CNOT6: variants seen among roughly 807,000 people sequenced by gnomAD.
CNOT6 encodes CCR4-NOT transcription complex subunit 6, also known as carbon catabolite repression 4 protein.
In CNOT6, 12 loss-of-function variants were observed where a neutral mutation model predicts 61.2. The observed-to-expected ratio is 0.20, with a 90% CI of 0.13 to 0.32. The LOEUF (loss-of-function observed/expected upper bound fraction) is 0.32. Ranked by LOEUF, CNOT6 falls within the 10% of genes least tolerant of loss-of-function variation. The pLI, the probability that CNOT6 is intolerant of heterozygous loss-of-function variation, is 1.00. For synonymous variants in CNOT6, 225 were observed against 240.6 expected, an observed-to-expected ratio of 0.94 and a Z score of 0.60; for missense variants, 405 against 663.9, an observed-to-expected ratio of 0.61 and a Z score of 4.28.
rs551145544 is a variant in CNOT6, at chr5:180,508,326, G to C, written c.-3+13563G>C. 3.3e-5 allele frequency among the ~76,000 whole-genome samples: 5 copies of C among 152,266 alleles called. No individual in the cohort carries two copies. The South Asian group carries it at 1.0e-3, about 32-fold the overall frequency. The stretch of plus-strand genomic sequence containing the variant: ...ACCAAGATGATAATTTGTTTTTTTA[G>C]TATGAGACGGAGTCTCGCTCTCTCA... On this transcript the variant is annotated intron_variant, in intron 1 of 11. Transcript: ENST00000261951.
Position 180,568,016 on chromosome 5 carries a change from C to T in CNOT6, c.1027+13C>T. On this transcript the variant is annotated intron_variant, in intron 9 of 11. Coordinates refer to ENST00000261951, the MANE Select transcript of CNOT6 (RefSeq NM_001370472.1). ...ATTGAAATGCCGTGTGAGTGCCCTT[C>T]ACTTCCTGTAAAATTGACCAGCTCT... The T allele has an allele frequency of 1.3e-6, 2 of 1,591,482 alleles. No homozygotes were observed. Among genetic ancestry groups the T allele is most frequent in the Non-Finnish European group, 1.7e-6 (2 of 1,166,448 alleles).
In CNOT6 at chr5:180,538,152, C is replaced by T. The variant is rs576774964; in HGVS notation, c.112+8764C>T. On this transcript the variant is annotated intron_variant, in intron 2 of 11. Transcript: ENST00000261951. Reference sequence around the variant, plus strand: ...CTCCCAGGTTCAAGCCATTGTCCTGCCTCAGCCTCCCAAGTAGCTGGGACT... The same window carrying T: ...CTCCCAGGTTCAAGCCATTGTCCTGTCTCAGCCTCCCAAGTAGCTGGGACT... Among the ~76,000 whole-genome samples, 4 of 151,180 alleles carry T rather than the reference C, an allele frequency of 2.6e-5. No individual in the cohort carries two copies. In the South Asian group the frequency reaches 8.4e-4, roughly 32 times the overall value.
chr5:180,545,736 G>A (rs1030679638), intron 2 of CNOT6, among the ~76,000 whole-genome samples: 1 of 152,082 alleles, frequency 6.6e-6, no homozygotes, highest in Admixed American at 6.5e-5. Context: ...TTGATCATAT[G>A]GTAAGTGTAT....
intron 2 of CNOT6, among the ~76,000 whole-genome samples, chr5:180,536,483 A>G (rs1758706933): frequency 1.3e-5 from 2 of 151,994 alleles, no homozygotes; most frequent in South Asian, 4.2e-4. Context: ...TTGAGATAAG[A>G]TATCATTGTT....
intron 1 of CNOT6, among the ~76,000 whole-genome samples, chr5:180,502,454 A>G (rs1321124333): frequency 6.6e-6 from 1 of 152,226 alleles, no homozygotes; most frequent in Non-Finnish European, 1.5e-5. Flanking sequence ...TACTAGAAGG[A>G]TAAGATTTGC....
rs149721852 is a variant in CNOT6 at position 180,566,024 on chromosome 5, G to A, written c.717+47G>A. 4,022 of 1,535,178 alleles carry A rather than the reference G, an allele frequency of 2.6e-3. 26 individuals are homozygous for A. Among genetic ancestry groups the A allele is most frequent in the South Asian group, 0.012 (1,005 of 83,326 alleles). On this transcript the variant is annotated intron_variant, in intron 7 of 11. Transcript: ENST00000261951. Reference sequence around the variant, plus strand: ...CAACCTAGCATTGATAAAGGAAGGAGCAACTAGGAATACATTACGCTGACA... The same window carrying A: ...CAACCTAGCATTGATAAAGGAAGGAACAACTAGGAATACATTACGCTGACA...
At chr5:180,495,136 T>G (rs547351931) in intron 1 of CNOT6, among the ~76,000 whole-genome samples, 1 of 152,322 alleles carries the variant, frequency 6.6e-6, no homozygotes, top group South Asian at 2.1e-4. Flanking sequence ...GAGAAGCGCC[T>G]CTGTGGGTGG....
chr5:180,573,873 A>C (rs1043328240), intron 11 of CNOT6, 115 bp from the exon 12 acceptor site: 8 of 714,650 alleles, frequency 1.1e-5, no homozygotes, highest in Non-Finnish European at 2.0e-5. Context: ...CAAGCTAGTA[A>C]GTTTCACTTG....
chr5:180,533,808 AT>A (rs1758528071), intron 2 of CNOT6, among the ~76,000 whole-genome samples: 1 of 152,090 alleles, frequency 6.6e-6, no homozygotes, highest in Non-Finnish European at 1.5e-5. Flanking sequence ...TCTGTTTATT[AT>A]TTATTTATCC....
At chr5:180,524,218 A>G (rs968901456) in intron 1 of CNOT6, among the ~76,000 whole-genome samples, 1 of 152,180 alleles carries the variant, frequency 6.6e-6, no homozygotes, top group African/African-American at 2.4e-5. Context: ...GTTTTTTGGA[A>G]TACTTTTATT....
chr5:180,542,874 A>G (rs926181028), intron 2 of CNOT6, among the ~76,000 whole-genome samples: 3 of 152,204 alleles, frequency 2.0e-5, no homozygotes, highest in Non-Finnish European at 2.9e-5. Flanking sequence ...GTGGGGAAGA[A>G]GTAGATAGAT....
rs761258912 is a variant in CNOT6 at position 180,529,266 on chromosome 5, T to A, written c.-2-9T>A. On this transcript the variant is annotated splice_polypyrimidine_tract_variant and intron_variant, in intron 1 of 11. Transcript: ENST00000261951. ...TTTTAGAATACTGATTGGTTTCTTT[T>A]CTTAACAGGCATGCCCAAAGAAAAA... The A allele has an allele frequency of 4.0e-6, 6 of 1,509,538 alleles. No homozygotes were observed. In the South Asian group the frequency reaches 6.8e-5, roughly 17 times the overall value. The allele number at this position is 1,509,538 out of a possible 1,614,324, so 93.5% of individuals were successfully genotyped here.
At chr5:180,511,310 T>G (rs2127702421) in intron 1 of CNOT6, among the ~76,000 whole-genome samples, 1 of 151,526 alleles carries the variant, frequency 6.6e-6, no homozygotes, top group South Asian at 2.1e-4. Flanking sequence ...AAACCTTGTC[T>G]CTACAAAATA....
rs1760981044 is a variant in CNOT6 at position 180,575,891 on chromosome 5, T to TG, written c.*1692dup. The TG allele has an allele frequency of 6.9e-6, 1 of 145,080 alleles. No homozygotes were observed. The highest frequency in any genetic ancestry group is 1.6e-5 in the Non-Finnish European group (1 of 64,394). 9.0% of individuals were successfully genotyped at this position (145,080 alleles called of 1,614,324 possible). ...TGAGTCATTTTGGAAATGATTCTTA[T>TG]GTTTTTTTTTTTTCTCCTTTTAGAA... is the stretch of plus-strand genomic sequence containing the variant. On this transcript the variant is annotated 3_prime_UTR_variant, in exon 12 of 12. Coordinates refer to ENST00000261951, the MANE Select transcript of CNOT6 (RefSeq NM_001370472.1).
chr5:180,568,049 C>G, intron 9 of CNOT6, 46 bp downstream of exon 9: 1 of 1,524,372 alleles, frequency 6.6e-7, no homozygotes, highest in Non-Finnish European at 8.8e-7. Flanking sequence ...TCTGACTAGA[C>G]ATCTTCAAAA....
intron 1 of CNOT6, among the ~76,000 whole-genome samples, chr5:180,522,156 C>T (rs148942596): frequency 2.9e-4 from 44 of 152,280 alleles, no homozygotes; most frequent in African/African-American, 1.0e-3. Flanking sequence ...CAGAGTTTCA[C>T]TCTTATCACC....
intron 1 of CNOT6, among the ~76,000 whole-genome samples, chr5:180,506,041 G>A (rs1056829816): frequency 6.6e-6 from 1 of 152,210 alleles, no homozygotes; most frequent in African/African-American, 2.4e-5. Context: ...ATAATGAACA[G>A]AAGATCTTGG....
intron 1 of CNOT6, among the ~76,000 whole-genome samples, chr5:180,502,919 C>G (rs7723088): frequency 0.044 from 6,746 of 152,272 alleles, 337 homozygotes; most frequent in African/African-American, 0.12. Flanking sequence ...ATGAAGCTAA[C>G]TGCCATGTTT....
At chr5:180,553,518 T>C (rs1302345583) in intron 4 of CNOT6, 47 bp downstream of exon 4, 1 of 1,428,754 alleles carries the variant, frequency 7.0e-7, no homozygotes, top group Non-Finnish European at 9.8e-7. Context: ...TATATGTCTT[T>C]GAATCTAAAG....
Sources: gnomAD v4.1 joint callset for allele counts (sites outside exome capture counted in the v4.1 genomes callset) on GRCh38, gnomAD v4.1.1 for gene constraint, MANE v1.5 for transcripts, NCBI Gene and HGNC (gene_info 2026-07-23, HGNC 2026-07-21) for gene names.